NKAIN3: variants seen among roughly 807,000 people sequenced by gnomAD.
NKAIN3 encodes the protein sodium/potassium-transporting ATPase subunit beta-1-interacting protein 3.
NKAIN3 carries 25 observed loss-of-function variants against 30.2 expected under a neutral mutation model. The ratio of observed to expected loss-of-function variants is 0.83; its 90% CI spans 0.60 to 1.16. The LOEUF is 1.16. Among genes scored for constraint, NKAIN3 ranks in the 50% most tolerant of loss-of-function variants. The pLI is 0.00. For synonymous variants in NKAIN3, 91 were observed against 89.6 expected (o/e 1.02, Z -0.09); for missense variants, 225 against 254.1 (o/e 0.89, Z 0.78).
intron 3 of NKAIN3, among the ~76,000 whole-genome samples, chr8:62,637,393 C>T (rs888064249): frequency 1.3e-5 from 2 of 152,124 alleles, no homozygotes; most frequent in Admixed American, 1.3e-4. Flanking sequence ...CTTTTCTGGC[C>T]CCGCAAGTAA....
At chr8:62,570,965 T>C (rs991584920) in intron 1 of NKAIN3, among the ~76,000 whole-genome samples, 1 of 152,216 alleles carries the variant, frequency 6.6e-6, no homozygotes, top group African/African-American at 2.4e-5. Flanking sequence ...GTATGACTGC[T>C]ACTCTCTTGT....
At chr8:62,643,780 G>C (rs1193783715) in intron 3 of NKAIN3, among the ~76,000 whole-genome samples, 1 of 151,956 alleles carries the variant, frequency 6.6e-6, no homozygotes, top group Non-Finnish European at 1.5e-5. Flanking sequence ...TCTCTTAAGA[G>C]CTTTTCTTGT....
At chr8:62,476,055 G>A (rs1806508738) in intron 1 of NKAIN3, among the ~76,000 whole-genome samples, 1 of 152,138 alleles carries the variant, frequency 6.6e-6, no homozygotes, top group African/African-American at 2.4e-5. Context: ...AAGTCCCCCA[G>A]ATGTCAGTAA....
At chr8:62,534,218 G>A (rs1370474621) in intron 1 of NKAIN3, among the ~76,000 whole-genome samples, 2 of 152,164 alleles carry the variant, frequency 1.3e-5, no homozygotes, top group East Asian at 1.9e-4. Flanking sequence ...TGCACAGGAA[G>A]CCCGGGTCTG....
chr8:62,509,645 A>G (rs547054276), intron 1 of NKAIN3, among the ~76,000 whole-genome samples: 1 of 152,212 alleles, frequency 6.6e-6, no homozygotes, highest in East Asian at 1.9e-4. Flanking sequence ...GGAATGTGCC[A>G]TTTGCCATAA....
chr8:62,891,862 G>A (rs981653280), intron 4 of NKAIN3, among the ~76,000 whole-genome samples: 6 of 151,592 alleles, frequency 4.0e-5, no homozygotes, highest in South Asian at 2.1e-4. Flanking sequence ...CCTTCCCCCC[G>A]CTTTCTCTTT....
At chr8:62,279,799 A>G (rs1001685146) in intron 1 of NKAIN3, among the ~76,000 whole-genome samples, 6 of 152,208 alleles carry the variant, frequency 3.9e-5, no homozygotes, top group African/African-American at 1.4e-4. Context: ...GTTTGAAGTC[A>G]GGTAGCATGA....
intron 3 of NKAIN3, among the ~76,000 whole-genome samples, chr8:62,715,464 G>A (rs902449828): frequency 6.6e-6 from 1 of 152,160 alleles, no homozygotes; most frequent in Non-Finnish European, 1.5e-5. Flanking sequence ...GAGAATGACA[G>A]CCTTTCAGTG....
chr8:62,446,319 G>A (rs930312639), intron 1 of NKAIN3, among the ~76,000 whole-genome samples: 1 of 152,050 alleles, frequency 6.6e-6, no homozygotes, highest in Non-Finnish European at 1.5e-5. Context: ...ATGATATATA[G>A]CATTAATATC....
intron 3 of NKAIN3, among the ~76,000 whole-genome samples, chr8:62,729,092 A>C (rs576052617): frequency 6.6e-6 from 1 of 150,720 alleles, no homozygotes; most frequent in Non-Finnish European, 1.5e-5. Context: ...AGAATAAGAC[A>C]GGCCACAGAC....
chr8:62,785,611 G>C (rs948850441), intron 4 of NKAIN3, among the ~76,000 whole-genome samples: 2 of 152,044 alleles, frequency 1.3e-5, no homozygotes, highest in Non-Finnish European at 2.9e-5. Context: ...AATAAAACTG[G>C]TTTTAAAAAG....
intron 5 of NKAIN3, among the ~76,000 whole-genome samples, chr8:62,941,867 C>T (rs747925883): frequency 6.6e-6 from 1 of 152,010 alleles, no homozygotes; most frequent in Non-Finnish European, 1.5e-5. Context: ...CAAGGATGCC[C>T]ACTTTCACCA....
At chr8:62,331,487 C>T (rs1233416884) in intron 1 of NKAIN3, among the ~76,000 whole-genome samples, 1 of 152,140 alleles carries the variant, frequency 6.6e-6, no homozygotes, top group Admixed American at 6.6e-5. Context: ...TAGTGTCTTG[C>T]ATAAAATAGA....
At chr8:62,896,134 G>A (rs1460857449) in intron 4 of NKAIN3, among the ~76,000 whole-genome samples, 1 of 152,118 alleles carries the variant, frequency 6.6e-6, no homozygotes, top group Non-Finnish European at 1.5e-5. Context: ...TCCAAGATCA[G>A]GGTGCCAGCA....
chr8:62,457,293 T>A (rs1178328507), intron 1 of NKAIN3, among the ~76,000 whole-genome samples: 1 of 152,206 alleles, frequency 6.6e-6, no homozygotes, highest in Non-Finnish European at 1.5e-5. Flanking sequence ...GATCTGTTAC[T>A]GGGTTAAACT....
chr8:62,557,870 T>C (rs1809456538), intron 1 of NKAIN3, among the ~76,000 whole-genome samples: 4 of 152,322 alleles, frequency 2.6e-5, no homozygotes, highest in Admixed American at 6.5e-5. Flanking sequence ...CTGTTTGCTC[T>C]GCTGACTGTT....
intron 3 of NKAIN3, among the ~76,000 whole-genome samples, chr8:62,708,980 C>T (rs1285935077): frequency 2.6e-5 from 4 of 152,068 alleles, no homozygotes; most frequent in South Asian, 2.1e-4. Flanking sequence ...TTGAGATGAT[C>T]GTTTGATTTT....
chr8:62,956,119 G>A (rs764453018), intron 6 of NKAIN3, among the ~76,000 whole-genome samples: 12 of 152,266 alleles, frequency 7.9e-5, no homozygotes, highest in Non-Finnish European at 1.5e-4. Flanking sequence ...AAATATTTCA[G>A]CATTTATCCA....
At chr8:62,706,421 G>A (rs72651592) in intron 3 of NKAIN3, among the ~76,000 whole-genome samples, 166 of 152,066 alleles carry the variant, frequency 1.1e-3, no homozygotes, top group Non-Finnish European at 1.9e-3. Flanking sequence ...CACTCCCTTC[G>A]TCTTCCTTCT....
Sources: gnomAD v4.1 joint callset for allele counts (sites outside exome capture counted in the v4.1 genomes callset) on GRCh38, gnomAD v4.1.1 for gene constraint, MANE v1.5 for transcripts, NCBI Gene and HGNC (gene_info 2026-07-23, HGNC 2026-07-21) for gene names.